Variants in DROSHA observed in about 807,000 individuals in gnomAD.
DROSHA encodes the protein ribonuclease 3.
DROSHA carries 56 observed loss-of-function variants against 181.9 expected under a neutral mutation model. The ratio of observed to expected loss-of-function variants is 0.31; its 90% CI spans 0.25 to 0.38. The LOEUF (loss-of-function observed/expected upper bound fraction) is 0.38, where lower values mean the gene tolerates loss of function less well. Among genes scored for constraint, DROSHA ranks in the 10% least tolerant of loss-of-function variants. DROSHA has a pLI of 1.00. For missense variants in DROSHA, 1,218 were observed against 1,743.5 expected (o/e 0.70, Z 5.37); for synonymous variants, 524 against 591.2 (o/e 0.89, Z 1.65).
intron 21 of DROSHA, among the ~76,000 whole-genome samples, chr5:31,451,028 C>T (rs1323000207): frequency 1.3e-5 from 2 of 152,088 alleles, no homozygotes; most frequent in Non-Finnish European, 2.9e-5. Flanking sequence ...ATGGCAAAAG[C>T]CCGTCTCTAC....
chr5:31,494,747 G>A (rs764215167), intron 12 of DROSHA, among the ~76,000 whole-genome samples: 5 of 152,020 alleles, frequency 3.3e-5, no homozygotes, highest in Admixed American at 6.5e-5. Flanking sequence ...GTAAAGTGGT[G>A]CGATCTCGGC....
intron 30 of DROSHA, among the ~76,000 whole-genome samples, chr5:31,412,300 C>T (rs1741401065): frequency 6.6e-6 from 1 of 152,128 alleles, no homozygotes; most frequent in Admixed American, 6.5e-5. Flanking sequence ...TCTTAGAATA[C>T]ATATAACAAA....
At position 31,429,481 on chromosome 5, in the gene DROSHA, A is replaced by C. The variant is rs777752846; in HGVS notation, c.3210T>G (p.Asn1070Lys). 1 of 1,611,540 alleles carries C rather than the reference A, an allele frequency of 6.2e-7. No individual in the cohort carries two copies. The highest frequency in any genetic ancestry group is 8.5e-7 in the Non-Finnish European group (1 of 1,178,742). The part of the protein sequence containing the change: ...AKQLFGRLLF[N>K]DPDLREVWLN... ...AATGATTCCATAGAAATACCGGATC[A>C]TTAAAGAGCAAGCGTCCAAATAACT... Residue 1070 changes from asparagine to lysine, a missense_variant, in exon 27 of 36, where the codon AAT becomes AAG. Transcript: ENST00000344624.
At chr5:31,526,004 T>G in intron 5 of DROSHA, 75 bp downstream of exon 5, 1 of 1,405,636 alleles carries the variant, frequency 7.1e-7, no homozygotes, top group Non-Finnish European at 9.6e-7. Flanking sequence ...TCCTTTTGGT[T>G]TGGTTGTCAT....
chr5:31,451,631 T>C lies in DROSHA; in HGVS notation c.2584A>G (p.Met862Val). The C allele has an allele frequency of 6.2e-7, 1 of 1,610,424 alleles. No individual in the cohort carries two copies. ...IRSDVCQHAM[M>V]LPVLTHHIRY... The stretch of plus-strand genomic sequence containing the variant: ...ATATGATGGGTCAGAACAGGTAGCA[T>C]CATTGCATGCTAGGAAAAAAAAAAT... The change falls in exon 21 of 36, where the codon ATG (methionine) becomes GTG (valine). Residue 862 changes from methionine (M) to valine (V), a missense_variant. By Grantham distance (21) the Met-to-Val change is conservative. Around this residue, in one of 8 missense-constraint regions of DROSHA, gnomAD observed 460 missense variants for 774.2 expected, o/e 0.59. Transcript: ENST00000344624.
intron 10 of DROSHA, among the ~76,000 whole-genome samples, chr5:31,505,344 C>G (rs1265904384): frequency 6.6e-6 from 1 of 151,372 alleles, no homozygotes; most frequent in Admixed American, 6.6e-5. Flanking sequence ...AAAAAAAAAT[C>G]ACTTAAAAGT....
At chr5:31,444,202 C>T (rs983515338) in intron 23 of DROSHA, among the ~76,000 whole-genome samples, 3 of 152,060 alleles carry the variant, frequency 2.0e-5, no homozygotes, top group Non-Finnish European at 2.9e-5. Flanking sequence ...GAAGCTGTGC[C>T]CAGCTGTGGA....
intron 27 of DROSHA, among the ~76,000 whole-genome samples, chr5:31,426,211 G>A (rs1743451338): frequency 6.6e-6 from 1 of 152,004 alleles, no homozygotes; most frequent in Admixed American, 6.6e-5. Flanking sequence ...TAGACACCGA[G>A]ATAGGGTTCT....
intron 30 of DROSHA, among the ~76,000 whole-genome samples, chr5:31,414,024 G>A (rs1741656337): frequency 6.6e-6 from 1 of 152,186 alleles, no homozygotes; most frequent in African/African-American, 2.4e-5. Flanking sequence ...GGAAGAGAGA[G>A]CAGCTATGGC....
rs758907082 is a variant in DROSHA, at chr5:31,511,195, C to T, written c.1291-19G>A. 1.9e-6 allele frequency: 3 copies of T among 1,607,844 alleles called. No homozygotes were observed. The highest frequency in any genetic ancestry group is 2.6e-6 in the Non-Finnish European group (3 of 1,176,440). ...AATCTCCCTTTTAAAAATAAAGGAT[C>T]AATATTAGGAACTATATCAATAACG... On this transcript the variant is annotated intron_variant, in intron 8 of 35. Coordinates refer to ENST00000344624, the MANE Select transcript of DROSHA (RefSeq NM_001382508.1).
At chr5:31,416,078 T>A (rs959515495) in intron 30 of DROSHA, among the ~76,000 whole-genome samples, 1 of 152,220 alleles carries the variant, frequency 6.6e-6, no homozygotes, top group Non-Finnish European at 1.5e-5. Flanking sequence ...TTACATTTGC[T>A]CAATTGTCCT....
At chr5:31,431,781 G>A in intron 25 of DROSHA, 103 bp from the exon 26 acceptor site, 1 of 988,596 alleles carries the variant, frequency 1.0e-6, no homozygotes. Context: ...ACGAGATGGG[G>A]GCAGCGTAAT....
rs562021438 is a variant in DROSHA at position 31,470,425 on chromosome 5, C to T, written c.2241+1638G>A. ...GGTTTTCACCTGGGCAAGCATCATA[C>T]ATTAGTTTGGTGCAAAAATAGTTGC... is the stretch of plus-strand genomic sequence containing the variant. On this transcript the variant is annotated intron_variant, in intron 17 of 35. Transcript: ENST00000344624. The surrounding 1 kb of genome is among the most constrained non-coding windows in gnomAD (Gnocchi z 4.0). Among the ~76,000 whole-genome samples the T allele has an allele frequency of 2.1e-4, 32 of 152,192 alleles. No homozygotes were observed. Among genetic ancestry groups the T allele is most frequent in the African/African-American group, 6.5e-4 (27 of 41,528 alleles).
At chr5:31,488,734 CAG>C (rs1172230712) in intron 13 of DROSHA, among the ~76,000 whole-genome samples, 1 of 152,104 alleles carries the variant, frequency 6.6e-6, no homozygotes, top group Non-Finnish European at 1.5e-5. Flanking sequence ...ACTGTGGAAA[CAG>C]TGTGGGAATG....
intron 6 of DROSHA, among the ~76,000 whole-genome samples, chr5:31,520,327 C>A (rs1739753895): frequency 6.6e-6 from 1 of 152,088 alleles, no homozygotes; most frequent in Admixed American, 6.6e-5. Context: ...ATTGTATTTG[C>A]ATTTACTTAC....
intron 20 of DROSHA, among the ~76,000 whole-genome samples, chr5:31,463,152 G>A (rs1748592076): frequency 6.6e-6 from 1 of 152,174 alleles, no homozygotes; most frequent in South Asian, 2.1e-4. Flanking sequence ...AGTACTGACA[G>A]TCATAAGATA....
At position 31,464,309 on chromosome 5, in the gene DROSHA, A is replaced by G; in HGVS notation, c.2501T>C (p.Met834Thr). Residue 834 changes from methionine to threonine, a missense_variant, in exon 20 of 36, where the codon ATG becomes ACG. Met to Thr is a moderately conservative substitution (Grantham distance 81). Transcript: ENST00000344624. ...ALQKIRQKNT[M>T]RREVTVELSS... ...TAGCTCCACCGTTACTTCTCGTCTC[A>G]TTGTATTCTTCTGCCGTATTTTTTG... The G allele has an allele frequency of 6.2e-7, 1 of 1,613,254 alleles. No individual in the cohort carries two copies. Among genetic ancestry groups the G allele is most frequent in the Non-Finnish European group, 8.5e-7 (1 of 1,179,552 alleles).
chr5:31,528,963 C>G, intron 4 of DROSHA, 77 bp downstream of exon 4: 1 of 1,573,822 alleles, frequency 6.4e-7, no homozygotes, highest in South Asian at 1.2e-5. Flanking sequence ...ATCCTTTCCA[C>G]CCTCTATAGC....
intron 14 of DROSHA, 104 bp downstream of exon 14, chr5:31,486,387 T>G: frequency 1.8e-6 from 2 of 1,115,392 alleles, no homozygotes; most frequent in African/African-American, 1.6e-5. Flanking sequence ...TTAGAGATAT[T>G]CCTGGCAAAA....
Sources: gnomAD v4.1 joint callset for allele counts (sites outside exome capture counted in the v4.1 genomes callset) on GRCh38, gnomAD v4.1.1 for gene constraint, gnomAD v4.1.1 regional missense constraint, Gnocchi (gnomAD v3.1) non-coding constraint, MANE v1.5 for transcripts, NCBI Gene and HGNC (gene_info 2026-07-23, HGNC 2026-07-21) for gene names.